The following LIPI variants were observed in gnomAD, a reference collection of about 807,000 sequenced individuals.
LIPI encodes the protein lipase member I.
Under a neutral mutation model 50.6 loss-of-function variants are expected in LIPI, and 59 were observed. The ratio of observed to expected loss-of-function variants is 1.16; its 90% CI spans 0.94 to 1.45. LIPI has a LOEUF of 1.45. LIPI is among the 40% of genes most tolerant of loss of function. LIPI has a pLI of 0.00. For missense variants in LIPI, 586 were observed against 536.3 expected, an observed-to-expected ratio of 1.09 and a Z score of -0.92; for synonymous variants, 203 against 178.2, an observed-to-expected ratio of 1.14 and a Z score of -1.11.
chr21:14,151,371 A>G (rs1376672610), intron 8 of LIPI, among the ~76,000 whole-genome samples: 2 of 152,214 alleles, frequency 1.3e-5, no homozygotes. Flanking sequence ...TCCAAGGTCC[A>G]TCGCACATTA....
At chr21:14,123,887 G>A (rs2016952979) in intron 9 of LIPI, among the ~76,000 whole-genome samples, 1 of 152,298 alleles carries the variant, frequency 6.6e-6, no homozygotes, top group African/African-American at 2.4e-5. Flanking sequence ...CTCAGGAGGA[G>A]TTTGTGGCAA....
intron 2 of LIPI, among the ~76,000 whole-genome samples, chr21:14,188,553 G>T (rs555819329): frequency 1.7e-5 from 2 of 117,218 alleles, no homozygotes; most frequent in Non-Finnish European, 3.3e-5. Flanking sequence ...GGGCAACAGA[G>T]TGAGAACCTG....
At chr21:14,175,402 T>C (rs576841479) in intron 4 of LIPI, among the ~76,000 whole-genome samples, 1 of 152,342 alleles carries the variant, frequency 6.6e-6, no homozygotes, top group South Asian at 2.1e-4. Flanking sequence ...AATGTATCCT[T>C]CATAATGTCC....
chr21:14,167,009 T>C (rs1006825363), intron 4 of LIPI, among the ~76,000 whole-genome samples: 28 of 152,326 alleles, frequency 1.8e-4, no homozygotes, highest in African/African-American at 5.5e-4. Flanking sequence ...ACTCCCACCC[T>C]AATACTGCGC....
intron 1 of LIPI, among the ~76,000 whole-genome samples, chr21:14,191,507 A>C (rs2123292119): frequency 6.9e-6 from 1 of 145,448 alleles, no homozygotes; most frequent in South Asian, 2.1e-4. Context: ...AAAAAGCAAA[A>C]AATAAAAATA....
chr21:14,121,677 G>T (rs778478025), intron 9 of LIPI, among the ~76,000 whole-genome samples: 1 of 152,128 alleles, frequency 6.6e-6, no homozygotes, highest in Non-Finnish European at 1.5e-5. Flanking sequence ...CCCCCATATT[G>T]TAATCATGTC....
At chr21:14,171,981 A>G (rs2018927164) in intron 4 of LIPI, among the ~76,000 whole-genome samples, 1 of 151,796 alleles carries the variant, frequency 6.6e-6, no homozygotes, top group Non-Finnish European at 1.5e-5. Context: ...ACAAAGGGCT[A>G]ATATCCAGAA....
intron 9 of LIPI, among the ~76,000 whole-genome samples, chr21:14,135,579 G>A (rs2017465616): frequency 6.6e-6 from 1 of 152,270 alleles, no homozygotes; most frequent in South Asian, 2.1e-4. Context: ...ATCAAACTCA[G>A]TTGACACCAG....
intron 7 of LIPI, among the ~76,000 whole-genome samples, chr21:14,158,804 A>C (rs1455483299): frequency 6.6e-6 from 1 of 150,960 alleles, no homozygotes; most frequent in Non-Finnish European, 1.5e-5. Context: ...GTTAGGAATA[A>C]AACAAAAGGC....
At chr21:14,115,382 C>T (rs62208640) in intron 9 of LIPI, among the ~76,000 whole-genome samples, 356 of 152,182 alleles carry the variant, frequency 2.3e-3, no homozygotes, top group Middle Eastern at 0.01. Flanking sequence ...ACATAGCTCC[C>T]GGCCACTGAC....
At chr21:14,152,764 G>A (rs747628445) in intron 7 of LIPI, 80 bp from the exon 8 acceptor site, 45 of 675,358 alleles carry the variant, frequency 6.7e-5, no homozygotes, top group Admixed American at 6.2e-4. Context: ...ATATATATAT[G>A]TGTATGTATA....
At chr21:14,183,560 T>G (rs1011722114) in intron 3 of LIPI, among the ~76,000 whole-genome samples, 11 of 152,026 alleles carry the variant, frequency 7.2e-5, no homozygotes, top group African/African-American at 2.7e-4. Flanking sequence ...GGGAGAAAAT[T>G]TTTGCAATCT....
chr21:14,147,892 T>C (rs146597242), intron 8 of LIPI, among the ~76,000 whole-genome samples: 213 of 152,248 alleles, frequency 1.4e-3, no homozygotes, highest in Admixed American at 6.4e-3. Flanking sequence ...CAGGCTCATG[T>C]TATCTTTCAT....
intron 1 of LIPI, 52 bp from the exon 2 acceptor site, chr21:14,189,471 C>T: frequency 6.6e-7 from 1 of 1,510,724 alleles, no homozygotes; most frequent in Non-Finnish European, 9.2e-7. Flanking sequence ...TATTTTATTC[C>T]TGTTGCTATT....
intron 1 of LIPI, chr21:14,206,974 TA>T (rs1187840370): frequency 8.0e-7 from 1 of 1,243,310 alleles, no homozygotes; most frequent in African/African-American, 1.5e-5. Context: ...TCATGTATAA[TA>T]AGAAGGAAGA....
At chr21:14,169,643 T>A (rs976645718) in intron 4 of LIPI, among the ~76,000 whole-genome samples, 1 of 152,098 alleles carries the variant, frequency 6.6e-6, no homozygotes, top group East Asian at 1.9e-4. Flanking sequence ...AAGGCAGAAA[T>A]AAAGATGTTG....
Position 14,189,427 on chromosome 21 carries a change from A to G in LIPI, c.47-8T>C. On this transcript the variant is annotated splice_polypyrimidine_tract_variant and splice_region_variant and intron_variant, in intron 1 of 9. Coordinates refer to ENST00000681601, the MANE Select transcript of LIPI (RefSeq NM_001302998.2). ...GGCATGGTCTTTTATTATCTGAAAT[A>G]AGAAAATGTCAGTCAAGCTGAGTAC... 6.2e-7 allele frequency: 1 copy of G among 1,611,202 alleles called. No individual in the cohort carries two copies. Among genetic ancestry groups the G allele is most frequent in the Non-Finnish European group, 8.5e-7 (1 of 1,177,690 alleles).
At chr21:14,173,224 C>T (rs113235923) in intron 4 of LIPI, among the ~76,000 whole-genome samples, 2,617 of 152,286 alleles carry the variant, frequency 0.017, 63 homozygotes, top group African/African-American at 0.051. Flanking sequence ...CAAAGGAAGC[C>T]AAGTCCTACA....
chr21:14,164,820 T>A (rs2018618548), intron 6 of LIPI, among the ~76,000 whole-genome samples: 1 of 152,148 alleles, frequency 6.6e-6, no homozygotes, highest in South Asian at 2.1e-4. Flanking sequence ...AAGCTAACCA[T>A]GGCTCACACC....
Sources: gnomAD v4.1 joint callset for allele counts (sites outside exome capture counted in the v4.1 genomes callset) on GRCh38, gnomAD v4.1.1 for gene constraint, MANE v1.5 for transcripts, NCBI Gene and HGNC (gene_info 2026-07-23, HGNC 2026-07-21) for gene names.